Variants in FRAS1 observed in about 807,000 individuals in gnomAD.
The protein encoded by FRAS1 is Fraser extracellular matrix complex subunit 1, also known as extracellular matrix organizing protein FRAS1.
In FRAS1, 290 loss-of-function variants were observed where a neutral mutation model predicts 435.2. The ratio of observed to expected loss-of-function variants is 0.67; its 90% CI spans 0.61 to 0.73. The LOEUF is 0.73. Ranked by LOEUF, FRAS1 falls within the 30% of genes least tolerant of loss-of-function variation. The pLI is 0.00. For synonymous variants in FRAS1, 1,800 were observed against 1,851.0 expected, an observed-to-expected ratio of 0.97 and a Z score of 0.71; for missense variants, 4,860 against 5,001.5, an observed-to-expected ratio of 0.97 and a Z score of 0.85.
chr4:78,383,282 C>G (rs1037970434), intron 27 of FRAS1, among the ~76,000 whole-genome samples: 3 of 152,140 alleles, frequency 2.0e-5, no homozygotes, highest in Admixed American at 6.5e-5. Flanking sequence ...CTCAAAGGCA[C>G]CAAGGGCAAT....
In FRAS1 at chr4:78,496,872, A is replaced by G. The variant is rs1337564734; in HGVS notation, c.9026A>G (p.Tyr3009Cys). The change falls in exon 60 of 74, where the codon TAC becomes TGC. Residue 3009 changes from tyrosine (Y) to cysteine (C), a missense_variant. By Grantham distance (194) the Tyr-to-Cys change is radical. Transcript: ENST00000512123. ...MFEPEEQFRV[Y>C]LGLPLGNHWS... ...GAGCCAGAGGAACAGTTCAGGGTCT[A>G]CCTCGGCCTTCCTCTTGGAAACCAC... 6.2e-7 allele frequency: 1 copy of G among 1,613,798 alleles called. No homozygotes were observed. Among genetic ancestry groups the G allele is most frequent in the Non-Finnish European group, 8.5e-7 (1 of 1,179,724 alleles).
At chr4:78,393,899 C>G (rs1284224872) in intron 29 of FRAS1, among the ~76,000 whole-genome samples, 1 of 152,006 alleles carries the variant, frequency 6.6e-6, no homozygotes, top group African/African-American at 2.4e-5. Context: ...TCCAAATCCT[C>G]TCTAACATTT....
chr4:78,430,264 T>TCACCACGCTTCCTTCTCC, intron 36 of FRAS1, 28 bp from the exon 37 acceptor site: 1 of 1,613,556 alleles, frequency 6.2e-7, no homozygotes, highest in Non-Finnish European at 8.5e-7. Flanking sequence ...GCTTTCTCTC[T>TCACCACGCTTCCTTCTCC]CACCACGCTT....
At chr4:78,126,520 T>C (rs552079960) in intron 2 of FRAS1, among the ~76,000 whole-genome samples, 8 of 152,366 alleles carry the variant, frequency 5.3e-5, no homozygotes, top group South Asian at 2.1e-4. Context: ...GCTGTTCCTA[T>C]ATGGCTATCT....
chr4:78,445,457 T>C (rs1560732373), intron 41 of FRAS1, 65 bp from the exon 42 acceptor site: 1 of 1,443,470 alleles, frequency 6.9e-7, no homozygotes, highest in Non-Finnish European at 9.1e-7. Flanking sequence ...CCTTGTTTTC[T>C]AGTTCAGCCT....
chr4:78,171,913 T>C (rs193218216), intron 2 of FRAS1, among the ~76,000 whole-genome samples: 10 of 152,158 alleles, frequency 6.6e-5, no homozygotes, highest in Non-Finnish European at 2.9e-5. Flanking sequence ...TTGCTAGCTG[T>C]ATCTACACTT....
chr4:78,114,018 A>G (rs1742947829), intron 2 of FRAS1, among the ~76,000 whole-genome samples: 1 of 152,170 alleles, frequency 6.6e-6, no homozygotes, highest in Non-Finnish European at 1.5e-5. Context: ...AGGTGTAAGG[A>G]AGGGATCTAG....
At chr4:78,537,278 T>C (rs1721914875) in intron 72 of FRAS1, 78 bp downstream of exon 72, 1 of 1,290,164 alleles carries the variant, frequency 7.8e-7, no homozygotes, top group Non-Finnish European at 1.1e-6. Context: ...CTGCCTAAAG[T>C]AGATAGAGCT....
intron 13 of FRAS1, among the ~76,000 whole-genome samples, chr4:78,285,162 C>T (rs1375817071): frequency 2.0e-5 from 3 of 151,928 alleles, no homozygotes; most frequent in East Asian, 2.0e-4. Context: ...AGTTACTATT[C>T]CCCTTATTTC....
chr4:78,131,080 C>A (rs1426280016), intron 2 of FRAS1, among the ~76,000 whole-genome samples: 1 of 152,074 alleles, frequency 6.6e-6, no homozygotes, highest in Non-Finnish European at 1.5e-5. Context: ...AAGATATGAA[C>A]ATTTTGAAAG....
intron 4 of FRAS1, among the ~76,000 whole-genome samples, chr4:78,250,934 A>G (rs1273325241): frequency 6.6e-6 from 1 of 152,144 alleles, no homozygotes; most frequent in African/African-American, 2.4e-5. Context: ...TCTTTTTCTT[A>G]CTTCTTATAA....
intron 2 of FRAS1, among the ~76,000 whole-genome samples, chr4:78,102,900 A>G (rs1742203485): frequency 6.6e-6 from 1 of 152,218 alleles, no homozygotes; most frequent in Admixed American, 6.5e-5. Context: ...CTTATAGATA[A>G]CAAAACGCTT....
intron 41 of FRAS1, among the ~76,000 whole-genome samples, chr4:78,443,579 C>T (rs1026547673): frequency 2.6e-5 from 4 of 152,328 alleles, no homozygotes; most frequent in African/African-American, 9.6e-5. Flanking sequence ...CACTATATTC[C>T]AGTGCTATGC....
chr4:78,330,606 C>G (rs991478596), intron 18 of FRAS1, among the ~76,000 whole-genome samples: 9 of 152,296 alleles, frequency 5.9e-5, no homozygotes, highest in South Asian at 2.1e-4. Context: ...AACTGGCCCC[C>G]CTGGGCGTGT....
chr4:78,435,798 T>G (rs1338467693), intron 38 of FRAS1, among the ~76,000 whole-genome samples: 1 of 151,238 alleles, frequency 6.6e-6, no homozygotes, highest in Non-Finnish European at 1.5e-5. Flanking sequence ...GGAGAAACTC[T>G]TTAAAACATG....
At chr4:78,088,640 AAAG>A (rs1474273568) in intron 2 of FRAS1, among the ~76,000 whole-genome samples, 1 of 152,224 alleles carries the variant, frequency 6.6e-6, no homozygotes, top group Non-Finnish European at 1.5e-5. Flanking sequence ...ACACTTCTCA[AAAG>A]AAGACATTTA....
chr4:78,117,590 G>A (rs1024285861), intron 2 of FRAS1, among the ~76,000 whole-genome samples: 4 of 151,840 alleles, frequency 2.6e-5, no homozygotes, highest in African/African-American at 7.3e-5. Context: ...TTGCTCTTCC[G>A]TCACTGATAC....
chr4:78,153,644 G>T (rs969753760), intron 2 of FRAS1, among the ~76,000 whole-genome samples: 7 of 152,088 alleles, frequency 4.6e-5, no homozygotes, highest in Non-Finnish European at 1.0e-4. Context: ...ATATGAGGAG[G>T]TGGTATTAAT....
At position 78,513,501 on chromosome 4, in the gene FRAS1, C is replaced by T. The variant is rs1379871008; in HGVS notation, c.10123C>T (p.Gln3375Ter). 1.2e-6 allele frequency: 2 copies of T among 1,613,784 alleles called. No individual in the cohort carries two copies. Among genetic ancestry groups the T allele is most frequent in the Non-Finnish European group, 1.7e-6 (2 of 1,179,740 alleles). ...ACTGTCTGAGTCCATCTACAGACAC[C>T]AGCACGTCTGCTCCAATTTAGTTAC... Reference protein sequence around the residue: ...FLLSESIYRHQHVCSNLVTTY... With the variant: ...FLLSESIYRH Residue 3375 changes from glutamine (Q) to a stop codon, truncating the protein, a stop_gained, in exon 65 of 74, where the codon CAG becomes TAG. Transcript: ENST00000512123. LOFTEE classifies it high-confidence loss of function.
Sources: gnomAD v4.1 joint callset for allele counts (sites outside exome capture counted in the v4.1 genomes callset) on GRCh38, gnomAD v4.1.1 for gene constraint, MANE v1.5 for transcripts, NCBI Gene and HGNC (gene_info 2026-07-23, HGNC 2026-07-21) for gene names.